The following RPTOR variants were observed in gnomAD, a reference collection of about 807,000 sequenced individuals.
The protein encoded by RPTOR is regulatory associated protein of MTOR complex 1.
A neutral mutation model predicts 169.9 loss-of-function variants in RPTOR; 21 were observed. That is an observed-to-expected ratio of 0.12 (90% confidence interval 0.09 to 0.18). The LOEUF (loss-of-function observed/expected upper bound fraction) is 0.18, where lower values mean the gene tolerates loss of function less well. Among genes scored for constraint, RPTOR ranks in the 10% least tolerant of loss-of-function variants. RPTOR has a pLI of 1.00. For synonymous variants in RPTOR, 732 were observed against 753.2 expected (o/e 0.97, Z 0.46); for missense variants, 1,133 against 1,855.9 (o/e 0.61, Z 7.16).
At chr17:80,804,335 A>G (rs966731089) in intron 7 of RPTOR, 1 of 152,272 alleles carries the variant, frequency 6.6e-6, no homozygotes, top group African/African-American at 2.4e-5. Context: ...GATCTCTACG[A>G]TTATTTCCAT....
chr17:80,669,385 C>T (rs2065804888), intron 3 of RPTOR, among the ~76,000 whole-genome samples: 1 of 152,172 alleles, frequency 6.6e-6, no homozygotes, highest in African/African-American at 2.4e-5. Flanking sequence ...TACAGTAGTT[C>T]ATTCTTTCTT....
At chr17:80,660,502 C>T (rs1166211318) in intron 3 of RPTOR, among the ~76,000 whole-genome samples, 1 of 152,102 alleles carries the variant, frequency 6.6e-6, no homozygotes, top group Non-Finnish European at 1.5e-5. Flanking sequence ...GAAATTATGG[C>T]CACACTCTGA....
chr17:80,604,310 A>G (rs147750981), intron 1 of RPTOR, among the ~76,000 whole-genome samples: 7 of 152,384 alleles, frequency 4.6e-5, no homozygotes, highest in African/African-American at 1.7e-4. Context: ...TGTGCTGTGC[A>G]GATACAGAAT....
At chr17:80,590,762 C>T (rs910544490) in intron 1 of RPTOR, among the ~76,000 whole-genome samples, 2 of 152,148 alleles carry the variant, frequency 1.3e-5, no homozygotes, top group African/African-American at 4.8e-5. Context: ...AGTAAGTGAC[C>T]TGTAATTTTT....
At chr17:80,704,813 G>A (rs571131192) in intron 3 of RPTOR, among the ~76,000 whole-genome samples, 34 of 152,250 alleles carry the variant, frequency 2.2e-4, no homozygotes, top group African/African-American at 7.2e-4. Flanking sequence ...AGAATTTACC[G>A]TCTACACAGA....
rs1598331292 is a variant in RPTOR, at chr17:80,823,576, A to C, written c.1136+353A>C. 1.4e-5 allele frequency: 3 copies of C among 209,070 alleles called. No individual in the cohort carries two copies. The highest frequency in any genetic ancestry group is 6.9e-5 in the African/African-American group (3 of 43,388). The allele number at this position is 209,070 out of a possible 1,614,324, so 13.0% of individuals were successfully genotyped here. A position where few individuals can be genotyped will look rare whatever the true frequency, so the allele number is the denominator to read the frequency against. On this transcript the variant is annotated intron_variant, in intron 9 of 33. Transcript: ENST00000306801. This position sits in a 1 kb window ranked among gnomAD's most constrained non-coding sequence, Gnocchi z 4.5. ...TTGCTGACTTGAATTTATGAAGCACATGCAAGATCGCTCTGGAGAATTAAA... is the reference window on the plus strand; with the variant it reads ...TTGCTGACTTGAATTTATGAAGCACCTGCAAGATCGCTCTGGAGAATTAAA...
At chr17:80,864,190 C>T (rs143447782) in intron 13 of RPTOR, among the ~76,000 whole-genome samples, 20 of 152,284 alleles carry the variant, frequency 1.3e-4, no homozygotes, top group Non-Finnish European at 2.2e-4. Flanking sequence ...AGGCATATCG[C>T]AATCAAATTA....
At chr17:80,693,876 G>A (rs2066013733) in intron 3 of RPTOR, among the ~76,000 whole-genome samples, 1 of 152,224 alleles carries the variant, frequency 6.6e-6, no homozygotes, top group African/African-American at 2.4e-5. Flanking sequence ...CCCAGCAAGA[G>A]GCTGGGGAAT....
chr17:80,713,419 C>T (rs2066212993), intron 4 of RPTOR, among the ~76,000 whole-genome samples: 1 of 152,096 alleles, frequency 6.6e-6, no homozygotes, highest in South Asian at 2.1e-4. Flanking sequence ...GTTTTCTTTT[C>T]CTAGTAGTGG....
intron 13 of RPTOR, among the ~76,000 whole-genome samples, chr17:80,863,789 G>A (rs753664168): frequency 2.6e-5 from 4 of 152,152 alleles, no homozygotes; most frequent in Non-Finnish European, 4.4e-5. Context: ...GCATGTTGGC[G>A]CGTGCCTGTA....
Position 80,845,137 on chromosome 17 carries a change from C to T in RPTOR, c.1213-1336C>T, listed in dbSNP as rs1343462722. Among the ~76,000 whole-genome samples the T allele has an allele frequency of 3.3e-5, 5 of 152,134 alleles. No individual in the cohort carries two copies. The highest frequency in any genetic ancestry group is 6.5e-5 in the Admixed American group (1 of 15,280). On this transcript the variant is annotated intron_variant, in intron 10 of 33. Coordinates refer to ENST00000306801, the MANE Select transcript of RPTOR (RefSeq NM_020761.3). The surrounding 1 kb of genome is among the most constrained non-coding windows in gnomAD (Gnocchi z 5.4). ...ACGGCAGCCTCCCCTGCAGCCTTCA[C>T]GCTCTCCAGCCGCAGGCCCAGCAGC...
intron 6 of RPTOR, chr17:80,773,832 C>T (rs1287855952): frequency 1.0e-6 from 1 of 985,374 alleles, no homozygotes; most frequent in African/African-American, 1.7e-5. Flanking sequence ...ACGCTTGGTG[C>T]CTGGGTGTGT....
At chr17:80,870,557 T>G (rs1179599641) in intron 13 of RPTOR, among the ~76,000 whole-genome samples, 6 of 152,184 alleles carry the variant, frequency 3.9e-5, no homozygotes, top group Non-Finnish European at 8.8e-5. Context: ...ATGTGCAAGG[T>G]TAGCTTTCTC....
At chr17:80,834,703 T>A (rs1025019293) in intron 9 of RPTOR, among the ~76,000 whole-genome samples, 1 of 152,234 alleles carries the variant, frequency 6.6e-6, no homozygotes, top group South Asian at 2.1e-4. Context: ...TGCTGAGCGA[T>A]GTCTCCAGTG....
At chr17:80,851,464 C>T (rs990748792) in intron 11 of RPTOR, among the ~76,000 whole-genome samples, 2 of 150,940 alleles carry the variant, frequency 1.3e-5, no homozygotes, top group African/African-American at 2.4e-5. Flanking sequence ...AATCGTAAAT[C>T]AACAAAAGGT....
chr17:80,841,160 A>C (rs1378641465), intron 10 of RPTOR, among the ~76,000 whole-genome samples: 3 of 125,434 alleles, frequency 2.4e-5, no homozygotes, highest in African/African-American at 3.8e-5. Flanking sequence ...ACCGCACGGC[A>C]GCTCACTCTC....
At chr17:80,743,107 T>A (rs1203968250) in intron 5 of RPTOR, among the ~76,000 whole-genome samples, 1 of 152,202 alleles carries the variant, frequency 6.6e-6, no homozygotes, top group Non-Finnish European at 1.5e-5. Context: ...ACACCCACTT[T>A]ATGCTCAGCT....
intron 7 of RPTOR, among the ~76,000 whole-genome samples, chr17:80,816,487 A>C (rs761723541): frequency 2.0e-5 from 3 of 152,232 alleles, no homozygotes; most frequent in Non-Finnish European, 4.4e-5. Flanking sequence ...CTGTGATGCC[A>C]GGCAAGCCGA....
At chr17:80,587,482 C>T (rs764315983) in intron 1 of RPTOR, among the ~76,000 whole-genome samples, 2 of 152,148 alleles carry the variant, frequency 1.3e-5, no homozygotes, top group Non-Finnish European at 2.9e-5. Flanking sequence ...TGGTTAGCAC[C>T]TGTGTGGATT....
Sources: allele counts gnomAD v4.1 joint callset (sites outside exome capture counted in the v4.1 genomes callset), GRCh38; gene constraint gnomAD v4.1.1; non-coding constraint Gnocchi (gnomAD v3.1); transcripts MANE v1.5; gene names NCBI Gene and HGNC (gene_info 2026-07-23, HGNC 2026-07-21).